The following ARSG variants were observed in gnomAD, a reference collection of about 807,000 sequenced individuals.
The protein encoded by ARSG is arylsulfatase G.
In ARSG, 37 loss-of-function variants were observed where a neutral mutation model predicts 50.5. That is an observed-to-expected ratio of 0.73 (90% CI 0.56 to 0.96). ARSG has a LOEUF of 0.96. ARSG is among the 50% of genes least tolerant of loss of function. ARSG has a pLI of 0.00. For synonymous variants in ARSG, 225 were observed against 254.6 expected, an observed-to-expected ratio of 0.88 and a Z score of 1.11; for missense variants, 629 against 675.3, an observed-to-expected ratio of 0.93 and a Z score of 0.76.
chr17:68,402,679 C>T (rs1384396905), intron 11 of ARSG, among the ~76,000 whole-genome samples: 1 of 152,010 alleles, frequency 6.6e-6, no homozygotes, highest in African/African-American at 2.4e-5. Context: ...TGCCCGCCAC[C>T]TCGCCCGCCT....
intron 9 of ARSG, among the ~76,000 whole-genome samples, chr17:68,391,079 C>T (rs1042901703): frequency 2.0e-5 from 3 of 152,002 alleles, no homozygotes; most frequent in East Asian, 1.9e-4. Context: ...TCTCTTTCTC[C>T]GAGGTTTTAA....
At chr17:68,440,058 CT>C in the ARSG span, among the ~76,000 whole-genome samples, 1 of 152,182 alleles carries the variant, frequency 6.6e-6, no homozygotes, top group East Asian at 1.9e-4. Flanking sequence ...TATTATAGAA[CT>C]GGTTGACACT....
intron 5 of ARSG, among the ~76,000 whole-genome samples, chr17:68,354,526 A>G (rs535788434): frequency 1.3e-5 from 2 of 152,338 alleles, no homozygotes; most frequent in East Asian, 1.9e-4. Flanking sequence ...TTGCAATGGT[A>G]TAATAAAAAG....
intron 6 of ARSG, among the ~76,000 whole-genome samples, chr17:68,365,491 C>T (rs973366996): frequency 1.3e-5 from 2 of 152,190 alleles, no homozygotes; most frequent in African/African-American, 4.8e-5. Flanking sequence ...GCAGGATTCT[C>T]AAGCCTGTGC....
intron 2 of ARSG, among the ~76,000 whole-genome samples, chr17:68,311,192 A>T (rs994058691): frequency 6.6e-5 from 10 of 151,938 alleles, no homozygotes; most frequent in African/African-American, 2.4e-4. Flanking sequence ...CCCCAAACTG[A>T]TTTCTTCTCC....
At chr17:68,263,047 A>G (rs758191518) in intron 1 of ARSG, among the ~76,000 whole-genome samples, 6 of 152,212 alleles carry the variant, frequency 3.9e-5, no homozygotes, top group Non-Finnish European at 7.3e-5. Flanking sequence ...AAATGACACA[A>G]ATACATGGCC....
At chr17:68,308,439 C>T (rs1324805822) in intron 2 of ARSG, among the ~76,000 whole-genome samples, 4 of 151,850 alleles carry the variant, frequency 2.6e-5, no homozygotes, top group Admixed American at 2.0e-4. Context: ...TAAGGCGGTG[C>T]GTCTGGAGTT....
chr17:68,352,968 G>A (rs1168335134), intron 5 of ARSG, among the ~76,000 whole-genome samples: 2 of 152,094 alleles, frequency 1.3e-5, no homozygotes, highest in Admixed American at 1.3e-4. Flanking sequence ...GAGCACTGTG[G>A]TTATTTCTAA....
intron 8 of ARSG, among the ~76,000 whole-genome samples, chr17:68,375,284 C>G (rs2146846741): frequency 6.6e-6 from 1 of 152,310 alleles, no homozygotes; most frequent in South Asian, 2.1e-4. Context: ...CTAGAATCAT[C>G]TGAGTGTAGA....
chr17:68,330,982 G>C (rs1013289864), intron 2 of ARSG, among the ~76,000 whole-genome samples: 19 of 132,244 alleles, frequency 1.4e-4, no homozygotes, highest in East Asian at 2.2e-4. Context: ...TTTTTGCGGG[G>C]GGGGGGGGAG....
At chr17:68,434,447 G>T in the ARSG span, 1 of 1,078,504 alleles carries the variant, frequency 9.3e-7, no homozygotes, top group Non-Finnish European at 1.3e-6. Context: ...CTTCCTCCAG[G>T]TGAGTGGAGG....
At chr17:68,379,312 C>T (rs1185331709) in intron 8 of ARSG, among the ~76,000 whole-genome samples, 2 of 151,984 alleles carry the variant, frequency 1.3e-5, no homozygotes, top group Admixed American at 1.3e-4. Context: ...CTGATCATGG[C>T]TCACTGCAGC....
At chr17:68,366,903 C>A (rs977622209) in intron 6 of ARSG, among the ~76,000 whole-genome samples, 1 of 152,084 alleles carries the variant, frequency 6.6e-6, no homozygotes, top group African/African-American at 2.4e-5. Flanking sequence ...AGTTTTTCTT[C>A]CCCGCAGTGC....
At chr17:68,300,660 A>G (rs1315551283) in intron 1 of ARSG, among the ~76,000 whole-genome samples, 2 of 152,128 alleles carry the variant, frequency 1.3e-5, no homozygotes, top group East Asian at 3.9e-4. Flanking sequence ...TTTTAGATGC[A>G]TGGCGTGATG....
At chr17:68,392,638 T>C (rs1263104063) in intron 9 of ARSG, among the ~76,000 whole-genome samples, 2 of 152,206 alleles carry the variant, frequency 1.3e-5, no homozygotes, top group Non-Finnish European at 2.9e-5. Flanking sequence ...TAGCTGGGAT[T>C]ACAGGCGTGT....
rs772593633 is a variant in ARSG, at chr17:68,420,446, C to T, written c.1561C>T (p.Arg521Cys). ...CTGTAATCCCTACCAAATTGCCTGC[C>T]GCTGTCAAGCCGCATAACAGACCAA... ...PCCNPYQIAC[R>C]CQAA Residue 521 changes from arginine to cysteine, a missense_variant, in exon 12 of 12, where the codon CGC becomes TGC. Arg to Cys is a radical substitution (Grantham distance 180). Coordinates refer to ENST00000621439, the MANE Select transcript of ARSG (RefSeq NM_001267727.2). 12 of 1,613,930 alleles carry T rather than the reference C, an allele frequency of 7.4e-6. No individual in the cohort carries two copies. Among genetic ancestry groups the T allele is most frequent in the East Asian group, 2.2e-5 (1 of 44,870 alleles).
chr17:68,332,044 G>C (rs1039049681), intron 2 of ARSG, among the ~76,000 whole-genome samples: 1 of 152,170 alleles, frequency 6.6e-6, no homozygotes. Context: ...GCAGACAACC[G>C]GTCTGACCAA....
Position 68,271,630 on chromosome 17 carries a change from A to G in ARSG, c.-552+12204A>G, listed in dbSNP as rs781865429. 2.1e-5 allele frequency: 34 copies of G among 1,613,234 alleles called. No individual in the cohort carries two copies. Among genetic ancestry groups the G allele is most frequent in the Non-Finnish European group, 2.5e-5 (29 of 1,179,284 alleles). ...GAAGAGGAGGCTGTATCTCCAGCCA[A>G]TGCGCTCCTTCAGAGCCATGATTGC... On this transcript the variant is annotated intron_variant, in intron 1 of 11. Coordinates refer to the ARSG transcript ENST00000448504. The surrounding 1 kb of genome is among the most constrained non-coding windows in gnomAD (Gnocchi z 5.3).
chr17:68,305,543 C>T (rs2076574424), intron 1 of ARSG, among the ~76,000 whole-genome samples: 1 of 152,128 alleles, frequency 6.6e-6, no homozygotes, highest in Non-Finnish European at 1.5e-5. Flanking sequence ...GTAAGATGCA[C>T]CACTGGTTGA....
Sources: gnomAD v4.1 joint callset for allele counts (sites outside exome capture counted in the v4.1 genomes callset) on GRCh38, gnomAD v4.1.1 for gene constraint, Gnocchi (gnomAD v3.1) non-coding constraint, MANE v1.5 for transcripts, NCBI Gene and HGNC (gene_info 2026-07-23, HGNC 2026-07-21) for gene names.